Variants in STK33 observed in about 807,000 individuals in gnomAD.
STK33 encodes the protein serine/threonine-protein kinase 33.
Under a neutral mutation model 58.0 loss-of-function variants are expected in STK33, and 52 were observed. The ratio of observed to expected loss-of-function variants is 0.90; its 90% CI spans 0.72 to 1.13. The LOEUF (loss-of-function observed/expected upper bound fraction) is 1.13, where lower values mean the gene tolerates loss of function less well. Among genes scored for constraint, STK33 ranks in the 50% most tolerant of loss-of-function variants. The pLI is 0.00. For missense variants in STK33, 630 were observed against 604.2 expected (o/e 1.04, Z -0.45); for synonymous variants, 215 against 200.1 (o/e 1.07, Z -0.63).
At chr11:8,583,561 T>C (rs78588641) in intron 1 of STK33, among the ~76,000 whole-genome samples, 1 of 152,070 alleles carries the variant, frequency 6.6e-6, no homozygotes, top group Admixed American at 6.5e-5. Flanking sequence ...TGGTAAAAAA[T>C]AGTGTCATCA....
intron 7 of STK33, among the ~76,000 whole-genome samples, chr11:8,462,812 C>T (rs913675803): frequency 6.6e-6 from 1 of 152,058 alleles, no homozygotes; most frequent in African/African-American, 2.4e-5. Flanking sequence ...CTTTCTCCAC[C>T]CTCACCATCA....
chr11:8,377,105 A>G, the STK33 span, among the ~76,000 whole-genome samples: 28 of 152,274 alleles, frequency 1.8e-4, no homozygotes, highest in African/African-American at 6.3e-4. Context: ...GCCCCTTTGC[A>G]CCTTGTACAA....
At chr11:8,565,194 G>A (rs564098880) in intron 1 of STK33, among the ~76,000 whole-genome samples, 1 of 152,246 alleles carries the variant, frequency 6.6e-6, no homozygotes, top group South Asian at 2.1e-4. Context: ...TACAGGAGAT[G>A]GATTCGCCAC....
intron 1 of STK33, among the ~76,000 whole-genome samples, chr11:8,544,629 C>T (rs1955779061): frequency 6.6e-6 from 1 of 151,620 alleles, no homozygotes; most frequent in Non-Finnish European, 1.5e-5. Flanking sequence ...ATATATTATT[C>T]CAGGGTTAAA....
chr11:8,388,076 G>A (rs1020855311), downstream of STK33, among the ~76,000 whole-genome samples: 1 of 152,214 alleles, frequency 6.6e-6, no homozygotes, highest in Non-Finnish European at 1.5e-5. Context: ...GGCGTCTCTA[G>A]TCCCATTCTC....
At chr11:8,502,517 A>G (rs143663247) in intron 1 of STK33, among the ~76,000 whole-genome samples, 14 of 152,270 alleles carry the variant, frequency 9.2e-5, no homozygotes, top group African/African-American at 3.4e-4. Flanking sequence ...AAAACCCAAA[A>G]CATAAAAGCT....
chr11:8,438,832 G>C (rs1257169652), intron 12 of STK33, among the ~76,000 whole-genome samples: 1 of 152,038 alleles, frequency 6.6e-6, no homozygotes, highest in Admixed American at 6.6e-5. Flanking sequence ...TAAAGACTAA[G>C]GCTCAGAATT....
chr11:8,412,604 C>G (rs1301026588), intron 15 of STK33, among the ~76,000 whole-genome samples: 3 of 152,192 alleles, frequency 2.0e-5, no homozygotes, highest in African/African-American at 7.2e-5. Context: ...CTGGCAGTCC[C>G]TCTCTGCACT....
intron 1 of STK33, among the ~76,000 whole-genome samples, chr11:8,535,196 G>T (rs1450471144): frequency 6.6e-6 from 1 of 152,222 alleles, no homozygotes; most frequent in South Asian, 2.1e-4. Context: ...AAGCATTAAT[G>T]GTCCATATAC....
At chr11:8,489,257 C>CAAAAAAAAAAAAAAAAAAAAAAAAAAAAA (rs377017514) in intron 1 of STK33, among the ~76,000 whole-genome samples, 2 of 64,348 alleles carry the variant, frequency 3.1e-5, no homozygotes, top group Admixed American at 1.7e-4. Context: ...AAGCTATCTC[C>CAAAAAAAAAAAAAAAAAAAAAAAAAAAAA]AAAAAAAAAA....
At chr11:8,343,804 G>A in the STK33 span, among the ~76,000 whole-genome samples, 5 of 152,116 alleles carry the variant, frequency 3.3e-5, no homozygotes, top group East Asian at 5.8e-4. Flanking sequence ...CTTAGCCCTC[G>A]AGGGCAGTGC....
intron 1 of STK33, among the ~76,000 whole-genome samples, chr11:8,517,634 G>T (rs892634078): frequency 2.6e-5 from 4 of 152,204 alleles, no homozygotes; most frequent in African/African-American, 9.6e-5. Flanking sequence ...ACAGTGCAGA[G>T]AAGTCCTTAA....
At chr11:8,488,443 C>T (rs1950340054) in intron 1 of STK33, among the ~76,000 whole-genome samples, 1 of 152,008 alleles carries the variant, frequency 6.6e-6, no homozygotes, top group Admixed American at 6.5e-5. Flanking sequence ...TAATCTCTGG[C>T]TGACCTGGAA....
chr11:8,435,652 G>A lies in STK33; in HGVS notation c.1061-73C>T. 5 of 870,666 alleles carry A rather than the reference G, an allele frequency of 5.7e-6. No individual in the cohort carries two copies. The South Asian group carries it at 7.6e-5, about 13-fold the overall frequency. The allele number at this position is 870,666 out of a possible 1,614,324, so 53.9% of individuals were successfully genotyped here. A position where few individuals can be genotyped will look rare whatever the true frequency, so the allele number is the denominator to read the frequency against. ...ATAGCATACATTTTACAATTTTTTA[G>A]GATTAGGTCAGTATAACAGGAAAGA... On this transcript the variant is annotated intron_variant, in intron 13 of 15. Transcript: ENST00000687296.
intron 7 of STK33, among the ~76,000 whole-genome samples, chr11:8,462,628 A>G (rs1947702253): frequency 7.3e-6 from 1 of 136,292 alleles, no homozygotes; most frequent in Non-Finnish European, 1.7e-5. Flanking sequence ...AGACAGAGAC[A>G]GAGAGAGAGA....
the STK33 span, among the ~76,000 whole-genome samples, chr11:8,350,493 G>A: frequency 2.0e-5 from 3 of 152,182 alleles, no homozygotes; most frequent in Admixed American, 2.0e-4. Context: ...GCACACAACA[G>A]GGAAGCTCAG....
intron 1 of STK33, among the ~76,000 whole-genome samples, chr11:8,556,774 A>T (rs942106202): frequency 2.6e-5 from 4 of 152,136 alleles, no homozygotes; most frequent in Non-Finnish European, 5.9e-5. Flanking sequence ...ATTTTTGCTC[A>T]TCATTATATT....
At chr11:8,337,638 C>CTG in the STK33 span, among the ~76,000 whole-genome samples, 3 of 4,882 alleles carry the variant, frequency 6.1e-4, no homozygotes, top group Non-Finnish European at 8.0e-4. Context: ...TTGACGACGG[C>CTG]GGGGGGCGGG....
intron 1 of STK33, among the ~76,000 whole-genome samples, chr11:8,547,698 T>G (rs1054444172): frequency 9.2e-5 from 14 of 152,236 alleles, no homozygotes; most frequent in Admixed American, 6.5e-4. Flanking sequence ...GTTGTTTCCT[T>G]TGCTGTGCAA....
Sources: gnomAD v4.1 joint callset for allele counts (sites outside exome capture counted in the v4.1 genomes callset) on GRCh38, gnomAD v4.1.1 for gene constraint, MANE v1.5 for transcripts, NCBI Gene and HGNC (gene_info 2026-07-23, HGNC 2026-07-21) for gene names.